Variants in CPNE8 observed in about 807,000 individuals in gnomAD.
CPNE8 encodes copine 8.
CPNE8 carries 45 observed loss-of-function variants against 81.5 expected under a neutral mutation model. The ratio of observed to expected loss-of-function variants is 0.55; its 90% CI spans 0.44 to 0.71. The LOEUF is 0.71. Among genes scored for constraint, CPNE8 ranks in the 30% least tolerant of loss-of-function variants. CPNE8 has a pLI of 0.00. For missense variants in CPNE8, 594 were observed against 672.1 expected, an observed-to-expected ratio of 0.88 and a Z score of 1.28; for synonymous variants, 252 against 226.3, an observed-to-expected ratio of 1.11 and a Z score of -1.02.
rs531308210 is a variant in CPNE8 at position 38,740,838 on chromosome 12, G to C, written c.723-10480C>G. 1.2e-4 allele frequency among the ~76,000 whole-genome samples: 19 copies of C among 152,250 alleles called. No homozygotes were observed. In the South Asian group the frequency reaches 3.7e-3, roughly 30 times the overall value. On this transcript the variant is annotated intron_variant, in intron 10 of 19. Transcript: ENST00000331366. ...TGCATCGATGTTCATCAGGGATATT[G>C]GTCTAAAATTCTCTTTTTTTGTTGT...
chr12:38,782,467 T>C (rs1942075972), intron 6 of CPNE8, among the ~76,000 whole-genome samples: 1 of 152,122 alleles, frequency 6.6e-6, no homozygotes, highest in Non-Finnish European at 1.5e-5. Flanking sequence ...TGTAAAAGAA[T>C]ATTCTTATTA....
At chr12:38,680,293 T>C (rs1241771492) in intron 16 of CPNE8, among the ~76,000 whole-genome samples, 8 of 152,018 alleles carry the variant, frequency 5.3e-5, no homozygotes, top group Admixed American at 2.0e-4. Context: ...GACTTAGGGA[T>C]GTTTTATTTA....
chr12:38,776,160 T>G (rs1363065054), intron 7 of CPNE8, 78 bp downstream of exon 7: 2 of 663,698 alleles, frequency 3.0e-6, no homozygotes, highest in East Asian at 6.0e-5. Context: ...TACTTAAAAA[T>G]TAATTAGTTA....
intron 6 of CPNE8, among the ~76,000 whole-genome samples, chr12:38,793,445 A>C (rs943202705): frequency 1.3e-5 from 2 of 151,974 alleles, no homozygotes; most frequent in Non-Finnish European, 2.9e-5. Flanking sequence ...AATAATGAAA[A>C]GGAAATTAAG....
intron 1 of CPNE8, among the ~76,000 whole-genome samples, chr12:38,891,912 A>T (rs1944319528): frequency 6.6e-6 from 1 of 152,268 alleles, no homozygotes; most frequent in Non-Finnish European, 1.5e-5. Context: ...ATGATAAAAC[A>T]AATAGATATT....
chr12:38,670,568 C>T (rs535233690), intron 19 of CPNE8, among the ~76,000 whole-genome samples, 161 bp downstream of exon 19: 1 of 152,222 alleles, frequency 6.6e-6, no homozygotes, highest in East Asian at 1.9e-4. Context: ...AATTTATTCA[C>T]TCTGAGTATC....
chr12:38,833,067 G>A (rs1305063933), intron 5 of CPNE8, among the ~76,000 whole-genome samples: 2 of 151,268 alleles, frequency 1.3e-5, no homozygotes, highest in Non-Finnish European at 2.9e-5. Flanking sequence ...GATATTTTTG[G>A]CTACACCAGG....
chr12:38,728,233 G>A (rs774449468), intron 11 of CPNE8, among the ~76,000 whole-genome samples: 7 of 152,108 alleles, frequency 4.6e-5, no homozygotes, highest in African/African-American at 7.2e-5. Context: ...GAAAGAAGTC[G>A]ACAGAAATTG....
intron 3 of CPNE8, among the ~76,000 whole-genome samples, chr12:38,853,254 A>G (rs1022824750): frequency 6.6e-6 from 1 of 152,176 alleles, no homozygotes; most frequent in Non-Finnish European, 1.5e-5. Flanking sequence ...AGTGCATATC[A>G]TTCTATACCT....
chr12:38,848,665 G>C lies in CPNE8; in HGVS notation c.187-3C>G. On this transcript the variant is annotated splice_region_variant and splice_polypyrimidine_tract_variant and intron_variant, in intron 3 of 19. Coordinates refer to ENST00000331366, the MANE Select transcript of CPNE8 (RefSeq NM_153634.3). ...TCAATTACTTCAGTTCTTCCAAACT[G>C]TGGAAAGAGAGAGAGAATTTAAAAT... The C allele has an allele frequency of 1.3e-6, 2 of 1,582,850 alleles. No individual in the cohort carries two copies. Among genetic ancestry groups the C allele is most frequent in the East Asian group, 2.3e-5 (1 of 43,758 alleles).
At chr12:38,808,768 A>AT (rs1255696615) in intron 6 of CPNE8, among the ~76,000 whole-genome samples, 1 of 151,444 alleles carries the variant, frequency 6.6e-6, no homozygotes, top group Non-Finnish European at 1.5e-5. Context: ...ATAAAATAAA[A>AT]TAAAAAAAAG....
chr12:38,729,703 G>C (rs1940787647), intron 11 of CPNE8, among the ~76,000 whole-genome samples: 1 of 152,044 alleles, frequency 6.6e-6, no homozygotes, highest in Non-Finnish European at 1.5e-5. Flanking sequence ...GAAATGTACA[G>C]ATGCCATAGC....
chr12:38,779,857 C>T (rs780966813), intron 6 of CPNE8, among the ~76,000 whole-genome samples: 1 of 151,924 alleles, frequency 6.6e-6, no homozygotes, highest in African/African-American at 2.4e-5. Context: ...AAAATATAAG[C>T]ATTTATAATA....
intron 6 of CPNE8, among the ~76,000 whole-genome samples, chr12:38,814,920 T>A (rs1942998724): frequency 6.6e-6 from 1 of 152,182 alleles, no homozygotes; most frequent in African/African-American, 2.4e-5. Context: ...TGTCAACAAT[T>A]TTAACTTTAT....
At position 38,683,082 on chromosome 12, in the gene CPNE8, T is replaced by C. The variant is rs115973564; in HGVS notation, c.1271+2408A>G. ...TATAAATTTGATGCTTTGAGTCTTG[T>C]CTATTTTACAATATTGTTACCTCAT... On this transcript the variant is annotated intron_variant, in intron 16 of 19. Coordinates refer to ENST00000331366, the MANE Select transcript of CPNE8 (RefSeq NM_153634.3). Among the ~76,000 whole-genome samples, 806 of 152,278 alleles carry C rather than the reference T, an allele frequency of 5.3e-3. 6 individuals are homozygous for C. Among genetic ancestry groups the C allele is most frequent in the African/African-American group, 0.018 (755 of 41,544 alleles).
chr12:38,848,660 A>C lies in CPNE8; in HGVS notation c.189T>G (p.Phe63Leu), dbSNP rs1943595405. The change falls in exon 4 of 20, where the codon TTT becomes TTG. Residue 63 changes from phenylalanine (F) to leucine (L), a missense_variant and splice_region_variant. Phe to Leu is a conservative substitution (Grantham distance 22). Coordinates refer to ENST00000331366, the MANE Select transcript of CPNE8 (RefSeq NM_153634.3). ...TATTATCAATTACTTCAGTTCTTCCAAACTGTGGAAAGAGAGAGAGAATTT... is the reference window on the plus strand; with the variant it reads ...TATTATCAATTACTTCAGTTCTTCCCAACTGTGGAAAGAGAGAGAGAATTT... ...QGVGNKEWRE[F>L]GRTEVIDNTL... is the part of the protein sequence containing the mutation. The C allele has an allele frequency of 6.3e-7, 1 of 1,586,476 alleles. No individual in the cohort carries two copies. Among genetic ancestry groups the C allele is most frequent in the South Asian group, 1.2e-5 (1 of 85,020 alleles).
At chr12:38,758,313 C>T (rs1360853496) in intron 10 of CPNE8, among the ~76,000 whole-genome samples, 1 of 151,380 alleles carries the variant, frequency 6.6e-6, no homozygotes, top group East Asian at 1.9e-4. Context: ...TACATAAAAA[C>T]TGTTACCAAG....
intron 13 of CPNE8, among the ~76,000 whole-genome samples, chr12:38,704,582 G>A (rs1940039577): frequency 6.6e-6 from 1 of 151,832 alleles, no homozygotes; most frequent in Non-Finnish European, 1.5e-5. Flanking sequence ...ATTTTACTGT[G>A]TTCTGAACAC....
At chr12:38,689,908 C>T (rs1939635570) in intron 15 of CPNE8, among the ~76,000 whole-genome samples, 1 of 152,156 alleles carries the variant, frequency 6.6e-6, no homozygotes, top group Non-Finnish European at 1.5e-5. Context: ...TTTTCATAAC[C>T]ATAAGTCTTG....
Sources: allele counts gnomAD v4.1 joint callset (sites outside exome capture counted in the v4.1 genomes callset), GRCh38; gene constraint gnomAD v4.1.1; transcripts MANE v1.5; gene names NCBI Gene and HGNC (gene_info 2026-07-23, HGNC 2026-07-21).